Variants in WNK2 observed in about 807,000 individuals in gnomAD.
The protein encoded by WNK2 is serine/threonine-protein kinase WNK2.
In WNK2, 67 loss-of-function variants were observed where a neutral mutation model predicts 192.1. The ratio of observed to expected loss-of-function variants is 0.35; its 90% CI spans 0.29 to 0.43. The LOEUF (loss-of-function observed/expected upper bound fraction) is 0.43, where lower values mean the gene tolerates loss of function less well. Among genes scored for constraint, WNK2 ranks in the 20% least tolerant of loss-of-function variants. The probability of loss-of-function intolerance (pLI) is 1.00; values close to 1 mark genes in which losing one functional copy is unlikely to be tolerated. For synonymous variants in WNK2, 1,439 were observed against 1,393.9 expected, an observed-to-expected ratio of 1.03 and a Z score of -0.72; for missense variants, 2,698 against 3,089.7, an observed-to-expected ratio of 0.87 and a Z score of 3.01.
chr9:93,289,060 C>G lies in WNK2; in HGVS notation c.4306C>G (p.Leu1436Val), dbSNP rs1488483013. 3.1e-6 allele frequency: 5 copies of G among 1,606,498 alleles called. No individual in the cohort carries two copies. The highest frequency in any genetic ancestry group is 4.2e-6 in the Non-Finnish European group (5 of 1,176,944). Residue 1436 changes from leucine (L) to valine (V), a missense_variant, in exon 20 of 30, where the codon CTA becomes GTA. Leu to Val is a conservative substitution (Grantham distance 32, BLOSUM62 1). Coordinates refer to ENST00000427277, the MANE Select transcript of WNK2 (RefSeq NM_006648.4). ...LTSELETSQP[L>V]AETHEAPLAV... The stretch of plus-strand genomic sequence containing the variant: ...CAGTGAGCTCGAGACGTCTCAGCCA[C>G]TAGCGGAGACTCACGAGGCCCCGCT...
intron 29 of WNK2, among the ~76,000 whole-genome samples, chr9:93,319,876 G>C (rs911912364): frequency 6.6e-6 from 1 of 152,178 alleles, no homozygotes; most frequent in Non-Finnish European, 1.5e-5. Flanking sequence ...AGACAGCCTC[G>C]AGCTGACTGT....
chr9:93,248,484 TGGG>T (rs554619187), intron 8 of WNK2, among the ~76,000 whole-genome samples: 1 of 152,202 alleles, frequency 6.6e-6, no homozygotes, highest in East Asian at 1.9e-4. Context: ...TCTGGCCCCT[TGGG>T]GGGAATGTGA....
intron 4 of WNK2, among the ~76,000 whole-genome samples, chr9:93,232,198 G>T (rs1314057864): frequency 6.6e-6 from 1 of 152,208 alleles, no homozygotes; most frequent in African/African-American, 2.4e-5. Context: ...CAGGTGTGGG[G>T]AAAATGAGAC....
chr9:93,268,303 C>T (rs1332663549), intron 18 of WNK2, among the ~76,000 whole-genome samples: 5 of 152,132 alleles, frequency 3.3e-5, no homozygotes, highest in South Asian at 2.1e-4. Flanking sequence ...GGGGTCCTCT[C>T]GGGAGCTTCG....
chr9:93,309,229 G>C (rs1853197961), intron 28 of WNK2: 1 of 684,112 alleles, frequency 1.5e-6, no homozygotes, highest in Non-Finnish European at 1.8e-6. Flanking sequence ...GTATTTTTTA[G>C]CGTGGGATAC....
intron 2 of WNK2, among the ~76,000 whole-genome samples, chr9:93,205,038 C>G (rs1833113254): frequency 6.6e-6 from 1 of 152,190 alleles, no homozygotes; most frequent in Non-Finnish European, 1.5e-5. Flanking sequence ...GAGTTAGGCA[C>G]TCTATAATAT....
chr9:93,259,411 G>A lies in WNK2; in HGVS notation c.2863G>A (p.Val955Met), dbSNP rs772427719. ...ACAACCCACACTGCCCCCACAACCC[G>A]TGCTGCCCCCGCAACCCACGCTGCC... ...PPQPTLPPQP[V>M]LPPQPTLPPQ... Residue 955 changes from valine (V) to methionine (M), a missense_variant, in exon 12 of 30, where the codon GTG (valine) becomes ATG (methionine). By Grantham distance (21) the Val-to-Met change is conservative (BLOSUM62 1). Transcript: ENST00000427277. This position sits in a 1 kb window ranked among gnomAD's most constrained non-coding sequence, Gnocchi z 4.8. 2.0e-5 allele frequency: 30 copies of A among 1,474,174 alleles called. No homozygotes were observed. The highest frequency in any genetic ancestry group is 2.3e-5 in the Non-Finnish European group (25 of 1,109,450). The allele number at this position is 1,474,174 out of a possible 1,614,324, so 91.3% of individuals were successfully genotyped here. A position where few individuals can be genotyped will look rare whatever the true frequency, so the allele number is the denominator to read the frequency against.
chr9:93,199,898 T>TAAAAAAAAAAAAAAAA (rs1564281066), intron 2 of WNK2, among the ~76,000 whole-genome samples: 5 of 31,522 alleles, frequency 1.6e-4, no homozygotes, highest in Non-Finnish European at 3.0e-4. Flanking sequence ...ACTCTTTGTC[T>TAAAAAAAAAAAAAAAA]CAAAAAAAAA....
intron 2 of WNK2, among the ~76,000 whole-genome samples, chr9:93,223,670 T>A (rs1429616612): frequency 6.6e-6 from 1 of 152,136 alleles, no homozygotes; most frequent in Non-Finnish European, 1.5e-5. Flanking sequence ...ACCCAGACCC[T>A]CTCTCCACTT....
Position 93,308,319 on chromosome 9 carries a change from A to G in WNK2, c.6260-9A>G. 1 of 1,550,982 alleles carries G rather than the reference A, an allele frequency of 6.4e-7. No homozygotes were observed. ...CGTCACCAATCCTGGCCTGTGTGTG[A>G]CTCCCCAGGGTCCTCCACCAGCAGC... On this transcript the variant is annotated splice_polypyrimidine_tract_variant and intron_variant, in intron 27 of 29. Coordinates refer to ENST00000427277, the MANE Select transcript of WNK2 (RefSeq NM_006648.4).
At position 93,289,415 on chromosome 9, in the gene WNK2, A is replaced by C; in HGVS notation, c.4661A>C (p.Glu1554Ala). The part of the protein sequence containing the change: ...FVDSTIKSLD[E>A]KLRTLLYQEH... ...GACAGCACCATCAAGAGCCTGGACG[A>C]GAAGCTGCGGACTCTGCTCTACCAG... Residue 1554 changes from glutamate (E) to alanine (A), a missense_variant, in exon 20 of 30, where the codon GAG becomes GCG. Transcript: ENST00000427277. 1 of 1,612,952 alleles carries C rather than the reference A, an allele frequency of 6.2e-7. No individual in the cohort carries two copies. The highest frequency in any genetic ancestry group is 1.1e-5 in the South Asian group (1 of 91,078).
intron 19 of WNK2, among the ~76,000 whole-genome samples, chr9:93,285,847 A>C (rs145447281): frequency 2.0e-5 from 3 of 152,344 alleles, no homozygotes; most frequent in Non-Finnish European, 4.4e-5. Context: ...GAAATTGAGC[A>C]ATGGAGTCAA....
At chr9:93,270,244 G>A (rs1457171412) in intron 19 of WNK2, among the ~76,000 whole-genome samples, 2 of 152,202 alleles carry the variant, frequency 1.3e-5, no homozygotes, top group Non-Finnish European at 2.9e-5. Context: ...GGACGGTCTT[G>A]GAGTGCCGTG....
rs1168985005 is a variant in WNK2 at position 93,185,118 on chromosome 9, G to T, written c.189G>T (p.Pro63=). 1 of 1,308,990 alleles carries T rather than the reference G, an allele frequency of 7.6e-7. No homozygotes were observed. The highest frequency in any genetic ancestry group is 3.2e-5 in the Admixed American group (1 of 31,582). 81.1% of individuals were successfully genotyped at this position (1,308,990 alleles called of 1,614,324 possible). The part of the protein sequence containing the change: ...EPPGLEAAEA[P]GPQPPQPLQR... ...CGGGCTTGGAGGCAGCCGAGGCGCC[G>T]GGCCCGCAGCCCCCGCAGCCCCTGC... Residue 63 remains proline (P), a synonymous_variant, in exon 2 of 30, where the codon CCG becomes CCT. Transcript: ENST00000427277.
At chr9:93,298,750 G>T (rs1388605651) in intron 24 of WNK2, among the ~76,000 whole-genome samples, 7 of 152,188 alleles carry the variant, frequency 4.6e-5, no homozygotes, top group Non-Finnish European at 1.0e-4. Flanking sequence ...CCCATTACAC[G>T]AATTCAGAGA....
chr9:93,258,097 C>T (rs1051985608), intron 11 of WNK2, among the ~76,000 whole-genome samples: 2 of 152,204 alleles, frequency 1.3e-5, no homozygotes, highest in African/African-American at 4.8e-5. Context: ...GCTTCAGGGT[C>T]TAGTGAAATC....
At position 93,185,300 on chromosome 9, in the gene WNK2, C is replaced by A; in HGVS notation, c.371C>A (p.Pro124His). 5.5e-6 allele frequency: 8 copies of A among 1,460,710 alleles called. No homozygotes were observed. The highest frequency in any genetic ancestry group is 7.2e-6 in the Non-Finnish European group (8 of 1,112,668). 90.5% of individuals were successfully genotyped at this position (1,460,710 alleles called of 1,614,324 possible). ...CCCGAGCCCGTGGGCACGCAGGAGC[C>A]CGGCCCGGACCCCATCGCAGCCGCT... ...AGPEPVGTQE[P>H]GPDPIAAAVE... The change falls in exon 2 of 30, where the codon CCC becomes CAC. Residue 124 changes from proline (P) to histidine (H), a missense_variant. Around this residue, in one of 7 missense-constraint regions of WNK2, gnomAD observed 260 missense variants for 285.6 expected, o/e 0.91. Transcript: ENST00000427277.
intron 2 of WNK2, among the ~76,000 whole-genome samples, chr9:93,224,973 T>C (rs1837555680): frequency 6.6e-6 from 1 of 152,156 alleles, no homozygotes; most frequent in African/African-American, 2.4e-5. Flanking sequence ...TTCATGGAGT[T>C]GCTCCTGTAA....
intron 19 of WNK2, among the ~76,000 whole-genome samples, chr9:93,279,634 A>G (rs1847419489): frequency 6.6e-6 from 1 of 152,234 alleles, no homozygotes; most frequent in South Asian, 2.1e-4. Flanking sequence ...AAATCAGAGA[A>G]CTAACAATAC....
Sources: allele counts gnomAD v4.1 joint callset (sites outside exome capture counted in the v4.1 genomes callset), GRCh38; gene constraint gnomAD v4.1.1; regional missense constraint gnomAD v4.1.1; non-coding constraint Gnocchi (gnomAD v3.1); transcripts MANE v1.5; gene names NCBI Gene and HGNC (gene_info 2026-07-23, HGNC 2026-07-21).